INSIG2: variants seen among roughly 807,000 people sequenced by gnomAD.
The protein encoded by INSIG2 is insulin induced gene 2, also known as insulin-induced gene 2 protein.
Under a neutral mutation model 27.2 loss-of-function variants are expected in INSIG2, and 10 were observed. That is an observed-to-expected ratio of 0.37 (90% confidence interval 0.23 to 0.62). The LOEUF (loss-of-function observed/expected upper bound fraction) is 0.62. INSIG2 is among the 20% of genes least tolerant of loss of function. The pLI, the probability that INSIG2 is intolerant of heterozygous loss-of-function variation, is 0.65. For synonymous variants in INSIG2, 97 were observed against 95.8 expected, an observed-to-expected ratio of 1.01 and a Z score of -0.07; for missense variants, 178 against 270.2, an observed-to-expected ratio of 0.66 and a Z score of 2.39.
chr2:118,101,418 A>G (rs868466550), intron 2 of INSIG2, among the ~76,000 whole-genome samples: 3 of 152,184 alleles, frequency 2.0e-5, no homozygotes, highest in Non-Finnish European at 4.4e-5. Context: ...GCATAAAAAT[A>G]TAGTCGATTT....
intron 2 of INSIG2, among the ~76,000 whole-genome samples, chr2:118,099,877 G>A (rs772962311): frequency 9.2e-5 from 14 of 151,914 alleles, no homozygotes; most frequent in African/African-American, 1.5e-4. Flanking sequence ...AGTCTTTGCC[G>A]GCCTCTAGTT....
chr2:118,100,990 T>C (rs181077139), intron 2 of INSIG2, among the ~76,000 whole-genome samples: 2 of 152,260 alleles, frequency 1.3e-5, no homozygotes, highest in Admixed American at 1.3e-4. Context: ...TCACAAGAAA[T>C]GTGATTTTTG....
intron 2 of INSIG2, among the ~76,000 whole-genome samples, chr2:118,097,855 G>T (rs974720069): frequency 3.3e-5 from 5 of 152,194 alleles, no homozygotes; most frequent in African/African-American, 1.2e-4. Flanking sequence ...GAAGGATGAG[G>T]TTGCGCTTTA....
In INSIG2 at chr2:118,096,640, G is replaced by C. The variant is rs1678413473; in HGVS notation, c.84G>C (p.Leu28Phe). 3 of 1,614,012 alleles carry C rather than the reference G, an allele frequency of 1.9e-6. No individual in the cohort carries two copies. The highest frequency in any genetic ancestry group is 2.5e-6 in the Non-Finnish European group (3 of 1,179,976). ...ISSVTSQSVN[L>F]MIRGVVLFFI... Reference sequence around the variant, plus strand: ...CTGTCACTAGCCAGAGTGTGAACTTGATGATTCGAGGAGTAGTGCTATTTT... The same window carrying C: ...CTGTCACTAGCCAGAGTGTGAACTTCATGATTCGAGGAGTAGTGCTATTTT... Residue 28 changes from leucine to phenylalanine, a missense_variant, in exon 2 of 6, where the codon TTG (leucine) becomes TTC (phenylalanine). By Grantham distance (22) the Leu-to-Phe change is conservative (BLOSUM62 0). Transcript: ENST00000245787.
In INSIG2 at chr2:118,096,419, G is replaced by T. The variant is rs1678404831; in HGVS notation, c.-138G>T. On this transcript the variant is annotated splice_region_variant and 5_prime_UTR_variant, in exon 2 of 6. Coordinates refer to ENST00000245787, the MANE Select transcript of INSIG2 (RefSeq NM_016133.4). The stretch of plus-strand genomic sequence containing the variant: ...ATTTCTTTTTTCTTATCTCTTGCAG[G>T]ATTTCTGGTAGGTCCTACTTTAGGA... The T allele has an allele frequency of 2.7e-6, 2 of 751,460 alleles. No individual in the cohort carries two copies. Among genetic ancestry groups the T allele is most frequent in the Non-Finnish European group, 4.2e-6 (2 of 480,222 alleles). 46.5% of individuals were successfully genotyped at this position (751,460 alleles called of 1,614,324 possible).
At chr2:118,095,393 C>T (rs1217026226) in intron 1 of INSIG2, among the ~76,000 whole-genome samples, 1 of 152,166 alleles carries the variant, frequency 6.6e-6, no homozygotes, top group Non-Finnish European at 1.5e-5. Flanking sequence ...AGCTTGGCCT[C>T]TTACTGGAGA....
Position 118,108,680 on chromosome 2 carries a change from G to C in INSIG2, c.*358G>C. ...GCCAAGATATTGTTCCTGTCATGCA[G>C]AGTATAAGAATGCTTTGAACAATTT... On this transcript the variant is annotated 3_prime_UTR_variant, in exon 6 of 6. Coordinates refer to ENST00000245787, the MANE Select transcript of INSIG2 (RefSeq NM_016133.4). 1 of 166,190 alleles carries C rather than the reference G, an allele frequency of 6.0e-6. No individual in the cohort carries two copies. 10.3% of individuals were successfully genotyped at this position (166,190 alleles called of 1,614,324 possible).
intron 1 of INSIG2, 86 bp from the exon 2 acceptor site, chr2:118,096,333 T>C (rs1250366410): frequency 2.4e-6 from 1 of 419,070 alleles, no homozygotes; most frequent in Non-Finnish European, 4.2e-6. Context: ...TATTTGTCCA[T>C]TTAAATTAAC....
chr2:118,093,297 TGATGAG>T (rs1203609381), intron 1 of INSIG2, among the ~76,000 whole-genome samples: 1 of 55,628 alleles, frequency 1.8e-5, no homozygotes. Flanking sequence ...CAGATGATGA[TGATGAG>T]GAGGAGGAGG....
chr2:118,109,531 A>G lies in INSIG2; in HGVS notation c.*1209A>G, dbSNP rs950216065. On this transcript the variant is annotated 3_prime_UTR_variant, in exon 6 of 6. Transcript: ENST00000245787. ...ATATTCTTAGCTAATTTTTTCCATT[A>G]GTTTTTGAAATTGGTGGCAGTTGTC... 1 of 152,404 alleles carries G rather than the reference A, an allele frequency of 6.6e-6. No homozygotes were observed. The highest frequency in any genetic ancestry group is 1.5e-5 in the Non-Finnish European group (1 of 68,036). 9.4% of individuals were successfully genotyped at this position (152,404 alleles called of 1,614,324 possible).
intron 3 of INSIG2, among the ~76,000 whole-genome samples, chr2:118,106,465 G>C (rs754790815): frequency 1.3e-5 from 2 of 152,154 alleles, no homozygotes; most frequent in Non-Finnish European, 2.9e-5. Context: ...AATGTATGTA[G>C]ACTGTTCTTT....
At chr2:118,107,218 G>C in intron 5 of INSIG2, 29 bp downstream of exon 5, 5 of 1,472,910 alleles carry the variant, frequency 3.4e-6, no homozygotes, top group Non-Finnish European at 4.7e-6. Flanking sequence ...TTCTGAATAA[G>C]ATGTGGAACA....
rs532837350 is a variant in INSIG2, at chr2:118,091,408, C to T, written c.-139+2867C>T. ...TTAATCTTGTTAATCCAGTTGACTA[C>T]TTTGCATGTCATTGGCCTTGCTAAT... On this transcript the variant is annotated intron_variant, in intron 1 of 5. Coordinates refer to ENST00000245787, the MANE Select transcript of INSIG2 (RefSeq NM_016133.4). Among the ~76,000 whole-genome samples, 95 of 152,260 alleles carry T rather than the reference C, an allele frequency of 6.2e-4. 1 individual carries two copies. Among genetic ancestry groups the T allele is most frequent in the African/African-American group, 2.2e-3 (90 of 41,544 alleles).
intron 1 of INSIG2, among the ~76,000 whole-genome samples, chr2:118,092,378 A>T (rs552662588): frequency 6.6e-6 from 1 of 152,316 alleles, no homozygotes; most frequent in Admixed American, 6.5e-5. Context: ...GAAAATTTCA[A>T]GGTGATTTTA....
chr2:118,101,001 C>T (rs1395250437), intron 2 of INSIG2, among the ~76,000 whole-genome samples: 3 of 152,112 alleles, frequency 2.0e-5, no homozygotes, highest in Non-Finnish European at 2.9e-5. Flanking sequence ...GTGATTTTTG[C>T]ATCAGAGAAC....
rs1012349387 is a variant in INSIG2, at chr2:118,106,510, C to G, written c.370-227C>G. The G allele has an allele frequency of 6.7e-6, 3 of 445,072 alleles. No individual in the cohort carries two copies. The Admixed American group carries it at 1.2e-4, about 17-fold the overall frequency. 27.6% of individuals were successfully genotyped at this position (445,072 alleles called of 1,614,324 possible). On this transcript the variant is annotated intron_variant, in intron 3 of 5. Coordinates refer to ENST00000245787, the MANE Select transcript of INSIG2 (RefSeq NM_016133.4). ...TTTGTTTTTTGTTTTGGAGGGGTTA[C>G]AGTTGGTAGGATCTATTGATTAATG...
Position 118,096,837 on chromosome 2 carries a change from A to G in INSIG2, c.244+37A>G, listed in dbSNP as rs756127966. On this transcript the variant is annotated intron_variant, in intron 2 of 5. Transcript: ENST00000245787. ...ATGTTTCTGTAATGCTTAGAAAGGA[A>G]ATAGGGTAAATGAGTATGGACGTTG... The G allele has an allele frequency of 4.4e-6, 7 of 1,599,334 alleles. No homozygotes were observed. In the Admixed American group the frequency reaches 1.2e-4, roughly 27 times the overall value.
chr2:118,098,607 G>A (rs1678467546), intron 2 of INSIG2, among the ~76,000 whole-genome samples: 1 of 152,204 alleles, frequency 6.6e-6, no homozygotes, highest in African/African-American at 2.4e-5. Flanking sequence ...TTGTGCATTT[G>A]GGCTGGGGCA....
In INSIG2 at chr2:118,096,534, C is replaced by T. The variant is rs778505584; in HGVS notation, c.-23C>T. On this transcript the variant is annotated 5_prime_UTR_variant, in exon 2 of 6. In the 5' UTR this introduces an upstream ATG that the reference lacks. Transcript: ENST00000245787. Reference sequence around the variant, plus strand: ...AGCCTTTCCATTTTTTTTTTTTTAACGGCTTTCTGAACCTATGAAACCATG... The same window carrying T: ...AGCCTTTCCATTTTTTTTTTTTTAATGGCTTTCTGAACCTATGAAACCATG... The T allele has an allele frequency of 2.1e-5, 32 of 1,550,836 alleles. No homozygotes were observed. Among genetic ancestry groups the T allele is most frequent in the Middle Eastern group, 1.7e-4 (1 of 5,762 alleles).
Sources: gnomAD v4.1 joint callset for allele counts (sites outside exome capture counted in the v4.1 genomes callset) on GRCh38, gnomAD v4.1.1 for gene constraint, MANE v1.5 for transcripts, NCBI Gene and HGNC (gene_info 2026-07-23, HGNC 2026-07-21) for gene names.